The following KLHL4 variants were observed in gnomAD, a reference collection of about 807,000 sequenced individuals.
KLHL4 encodes kelch like family member 4.
In KLHL4, 17 loss-of-function variants were observed where a neutral mutation model predicts 45.8. The observed-to-expected ratio is 0.37, with a 90% CI of 0.25 to 0.56. The LOEUF is 0.56. Ranked by LOEUF, KLHL4 falls within the 20% of genes least tolerant of loss-of-function variation. The pLI is 0.79. For missense variants in KLHL4, 544 were observed against 544.9 expected (o/e 1.00, Z 0.02); for synonymous variants, 224 against 189.9 (o/e 1.18, Z -1.47).
In KLHL4 at chrX:87,669,514, A is replaced by T; in HGVS notation, c.*2980A>T. On this transcript the variant is annotated 3_prime_UTR_variant, in exon 11 of 11. Transcript: ENST00000373119. Reference sequence around the variant, plus strand: ...AGTTTCCTTCTGGAGTTCCAAATGCAATATAGAAAAAAAAACCCTGTGACT... The same window carrying T: ...AGTTTCCTTCTGGAGTTCCAAATGCTATATAGAAAAAAAAACCCTGTGACT... 1.1e-6 allele frequency: 1 copy of T among 876,028 alleles called. No individual in the cohort carries two copies. The highest frequency in any genetic ancestry group is 1.5e-6 in the Non-Finnish European group (1 of 657,812). 72.2% of individuals were successfully genotyped at this position (876,028 alleles called of 1,213,427 possible).
At chrX:87,589,240 A>G (rs1921582852) in intron 1 of KLHL4, among the ~76,000 whole-genome samples, 1 of 112,053 alleles carries the variant, frequency 8.9e-6, no homozygotes, top group Non-Finnish European at 1.9e-5. Context: ...TATGTAGAAC[A>G]ATTTGGATGT....
At position 87,667,715 on chromosome X, in the gene KLHL4, C is replaced by T. The variant is rs1241861528; in HGVS notation, c.*1181C>T. The T allele has an allele frequency of 1.8e-5, 12 of 673,484 alleles. No individual in the cohort carries two copies. The highest frequency in any genetic ancestry group is 2.1e-5 in the Non-Finnish European group (12 of 567,142). The allele number at this position is 673,484 out of a possible 1,213,427, so 55.5% of individuals were successfully genotyped here. A position where few individuals can be genotyped will look rare whatever the true frequency, so the allele number is the denominator to read the frequency against. On this transcript the variant is annotated 3_prime_UTR_variant, in exon 11 of 11. Coordinates refer to ENST00000373119, the MANE Select transcript of KLHL4 (RefSeq NM_019117.5). ...AACTAAGATGAAATATTGAAAAACC[C>T]TTTGTGAAAGTAACTTTTCAAGTAA...
intron 1 of KLHL4, among the ~76,000 whole-genome samples, chrX:87,519,048 G>A (rs1930949488): frequency 9.0e-6 from 1 of 111,442 alleles, no homozygotes; most frequent in South Asian, 3.7e-4. Context: ...TTACTTTTAT[G>A]CCCACCGGTA....
At chrX:87,641,346 C>T (rs1371972000) in intron 9 of KLHL4, among the ~76,000 whole-genome samples, 3 of 111,584 alleles carry the variant, frequency 2.7e-5, no homozygotes, top group Non-Finnish European at 3.8e-5. Context: ...TTTAGAGGGC[C>T]GAGTGAAATA....
intron 1 of KLHL4, among the ~76,000 whole-genome samples, chrX:87,576,330 G>GA (rs961070801): frequency 2.7e-5 from 3 of 110,701 alleles, no homozygotes; most frequent in African/African-American, 6.6e-5. Context: ...TAAAACATAA[G>GA]AAAAAAAACT....
Position 87,559,449 on chromosome X carries a change from C to T in KLHL4, c.422+41134C>T, listed in dbSNP as rs368976205. ...CATCGGCTCAATCTTGCTCACTTTACAGCAGTGTTTTGATTTGACACTCTG... is the reference window on the plus strand; with the variant it reads ...CATCGGCTCAATCTTGCTCACTTTATAGCAGTGTTTTGATTTGACACTCTG... On this transcript the variant is annotated intron_variant, in intron 1 of 10. Transcript: ENST00000373119. 3.6e-5 allele frequency among the ~76,000 whole-genome samples: 4 copies of T among 111,845 alleles called. No individual in the cohort carries two copies. In the East Asian group the frequency reaches 1.1e-3, roughly 32 times the overall value.
In KLHL4 at chrX:87,667,574, A is replaced by G; in HGVS notation, c.*1040A>G. On this transcript the variant is annotated 3_prime_UTR_variant, in exon 11 of 11. Coordinates refer to ENST00000373119, the MANE Select transcript of KLHL4 (RefSeq NM_019117.5). Reference sequence around the variant, plus strand: ...GTTATATTATCCAGTAGAAAATGTTAGGATATGTGTGCTATATAAAAAAAA... The same window carrying G: ...GTTATATTATCCAGTAGAAAATGTTGGGATATGTGTGCTATATAAAAAAAA... 1 of 618,750 alleles carries G rather than the reference A, an allele frequency of 1.6e-6. No individual in the cohort carries two copies. The highest frequency in any genetic ancestry group is 1.9e-6 in the Non-Finnish European group (1 of 518,913). 51.0% of individuals were successfully genotyped at this position (618,750 alleles called of 1,213,427 possible). A position where few individuals can be genotyped will look rare whatever the true frequency, so the allele number is the denominator to read the frequency against.
intron 1 of KLHL4, among the ~76,000 whole-genome samples, chrX:87,552,866 G>A (rs768759937): frequency 9.1e-4 from 100 of 109,823 alleles, no homozygotes; most frequent in South Asian, 1.9e-3. Flanking sequence ...AAAATGGAAA[G>A]AATAAATAAG....
At chrX:87,645,165 A>G (rs1923590412) in intron 9 of KLHL4, among the ~76,000 whole-genome samples, 1 of 112,204 alleles carries the variant, frequency 8.9e-6, no homozygotes, top group South Asian at 3.7e-4. Flanking sequence ...ACAAAGGACT[A>G]ATATCCAGAA....
intron 4 of KLHL4, among the ~76,000 whole-genome samples, chrX:87,620,943 C>T (rs1922726173): frequency 8.9e-6 from 1 of 112,596 alleles, no homozygotes; most frequent in Non-Finnish European, 1.9e-5. Flanking sequence ...GGAGGGTCTT[C>T]ACCCAGAGAC....
At position 87,529,818 on chromosome X, in the gene KLHL4, A is replaced by G. The variant is rs374732455; in HGVS notation, c.422+11503A>G. 9.8e-5 allele frequency among the ~76,000 whole-genome samples: 11 copies of G among 112,168 alleles called. No individual in the cohort carries two copies. In the East Asian group the frequency reaches 1.4e-3, roughly 14 times the overall value. On this transcript the variant is annotated intron_variant, in intron 1 of 10. Transcript: ENST00000373119. ...ATAAAATGTATCTTGATAAGACAATAAAGAGATTCATTTTCTTTGAGGATG... is the reference window on the plus strand; with the variant it reads ...ATAAAATGTATCTTGATAAGACAATGAAGAGATTCATTTTCTTTGAGGATG...
intron 1 of KLHL4, among the ~76,000 whole-genome samples, chrX:87,547,053 C>T (rs953425268): frequency 2.7e-5 from 3 of 111,532 alleles, no homozygotes; most frequent in South Asian, 3.8e-4. Context: ...TTTCTGTTAA[C>T]GCTGGAAAGA....
intron 1 of KLHL4, among the ~76,000 whole-genome samples, chrX:87,608,223 A>C (rs751938392): frequency 6.2e-5 from 7 of 112,195 alleles, no homozygotes; most frequent in Admixed American, 2.8e-4. Context: ...TATAATCTTG[A>C]TTACTACAAT....
chrX:87,594,590 C>A (rs1487566904), intron 1 of KLHL4, among the ~76,000 whole-genome samples: 1 of 111,398 alleles, frequency 9.0e-6, no homozygotes, highest in Non-Finnish European at 1.9e-5. Context: ...TTTTGTCTTG[C>A]CACTTTTACT....
chrX:87,605,071 A>G (rs1330112466), intron 1 of KLHL4, among the ~76,000 whole-genome samples: 1 of 111,417 alleles, frequency 9.0e-6, no homozygotes, highest in East Asian at 2.8e-4. Context: ...CCACTTGACT[A>G]TAGATGTGTG....
At chrX:87,549,889 A>T (rs1251279599) in intron 1 of KLHL4, among the ~76,000 whole-genome samples, 1 of 110,977 alleles carries the variant, frequency 9.0e-6, no homozygotes, top group East Asian at 2.8e-4. Flanking sequence ...ACCAAATCCA[A>T]AATTATTAGA....
chrX:87,636,721 G>A (rs978188746), intron 9 of KLHL4, among the ~76,000 whole-genome samples: 2 of 109,768 alleles, frequency 1.8e-5, no homozygotes, highest in Non-Finnish European at 3.8e-5. Flanking sequence ...CCACTTTCCC[G>A]GTGGCCTATG....
intron 1 of KLHL4, among the ~76,000 whole-genome samples, chrX:87,549,554 T>C (rs1931766265): frequency 8.9e-6 from 1 of 111,777 alleles, no homozygotes. Context: ...TTGAAAATTT[T>C]AAACAATATG....
chrX:87,669,173 C>T lies in KLHL4; in HGVS notation c.*2639C>T. 9.5e-7 allele frequency: 1 copy of T among 1,054,410 alleles called. No individual in the cohort carries two copies. The highest frequency in any genetic ancestry group is 1.9e-5 in the African/African-American group (1 of 52,620). The allele number at this position is 1,054,410 out of a possible 1,213,427, so 86.9% of individuals were successfully genotyped here. A position where few individuals can be genotyped will look rare whatever the true frequency, so the allele number is the denominator to read the frequency against. On this transcript the variant is annotated 3_prime_UTR_variant, in exon 11 of 11. Transcript: ENST00000373119. ...ATATTCTTACAAGAGTGTAAGGGCTCACACATTTACTGTACTCAGATCTGA... is the reference window on the plus strand; with the variant it reads ...ATATTCTTACAAGAGTGTAAGGGCTTACACATTTACTGTACTCAGATCTGA...
Sources: allele counts gnomAD v4.1 joint callset (sites outside exome capture counted in the v4.1 genomes callset), GRCh38; gene constraint gnomAD v4.1.1; transcripts MANE v1.5; gene names NCBI Gene and HGNC (gene_info 2026-07-23, HGNC 2026-07-21).